Variants in JADE2 observed in about 807,000 individuals in gnomAD.
JADE2 encodes E3 ubiquitin-protein ligase Jade-2.
JADE2 carries 13 observed loss-of-function variants against 85.7 expected under a neutral mutation model. That is an observed-to-expected ratio of 0.15 (90% CI 0.10 to 0.24). JADE2 has a LOEUF of 0.24. JADE2 is among the 10% of genes least tolerant of loss of function. The pLI, the probability that JADE2 is intolerant of heterozygous loss-of-function variation, is 1.00. For missense variants in JADE2, 846 were observed against 1,115.9 expected, an observed-to-expected ratio of 0.76 and a Z score of 3.45; for synonymous variants, 440 against 456.1, an observed-to-expected ratio of 0.96 and a Z score of 0.45.
intron 3 of JADE2, among the ~76,000 whole-genome samples, chr5:134,547,173 C>T (rs972836318): frequency 1.3e-5 from 2 of 152,180 alleles, no homozygotes; most frequent in Middle Eastern, 3.2e-3. Flanking sequence ...CAGAAAAAGA[C>T]GTGAAGGCAA....
chr5:134,562,256 C>T lies in JADE2; in HGVS notation c.741C>T (p.Ala247=). 6.2e-7 allele frequency: 1 copy of T among 1,614,066 alleles called. No individual in the cohort carries two copies. Among genetic ancestry groups the T allele is most frequent in the Non-Finnish European group, 8.5e-7 (1 of 1,179,998 alleles). Residue 247 remains alanine (A), a synonymous_variant, in exon 7 of 12, where the codon GCC becomes GCT. Transcript: ENST00000681547. This position sits in a 1 kb window ranked among gnomAD's most constrained non-coding sequence, Gnocchi z 4.6. ...PTGSWLCRTC[A]LGVQPKCLLC... is the part of the protein sequence containing the mutation. Reference sequence around the variant, plus strand: ...GCAGCTGGCTGTGCCGGACGTGTGCCCTGGGTGTCCAGCCAAAGTGCCTGC... The same window carrying T: ...GCAGCTGGCTGTGCCGGACGTGTGCTCTGGGTGTCCAGCCAAAGTGCCTGC...
At chr5:134,534,698 TTCTC>T in intron 1 of JADE2, among the ~76,000 whole-genome samples, 1 of 152,104 alleles carries the variant, frequency 6.6e-6, no homozygotes, top group Non-Finnish European at 1.5e-5. Context: ...CAGTGGGGCT[TTCTC>T]TCTACTGACA....
At chr5:134,573,502 T>A (rs1581481778) in intron 9 of JADE2, 143 bp from the exon 10 acceptor site, 9 of 704,440 alleles carry the variant, frequency 1.3e-5, no homozygotes, top group Non-Finnish European at 2.0e-5. Flanking sequence ...CTGGGAATTG[T>A]TTTGCAGATG....
chr5:134,567,280 G>A (rs1763700017), intron 9 of JADE2, among the ~76,000 whole-genome samples: 1 of 152,318 alleles, frequency 6.6e-6, no homozygotes, highest in South Asian at 2.1e-4. Flanking sequence ...CTGACATACT[G>A]TGGCTGGGAC....
chr5:134,524,662 C>A (rs1158900271), upstream of JADE2, among the ~76,000 whole-genome samples: 4 of 152,204 alleles, frequency 2.6e-5, no homozygotes, highest in African/African-American at 9.6e-5. Flanking sequence ...CTTCTCCACC[C>A]CCCGGAAATG....
chr5:134,560,994 G>A lies in JADE2; in HGVS notation c.684+37G>A, dbSNP rs770859689. 6.4e-6 allele frequency: 10 copies of A among 1,571,838 alleles called. No individual in the cohort carries two copies. The Admixed American group carries it at 1.7e-4, about 27-fold the overall frequency. On this transcript the variant is annotated intron_variant, in intron 6 of 11. Coordinates refer to ENST00000681547, the MANE Select transcript of JADE2 (RefSeq NM_001388185.1). ...CCCCAGTCACCCTCACCTGTGCCAT[G>A]TATACACACGCTGCCTGGCAGCGAC...
chr5:134,539,148 G>T (rs1333481437), intron 3 of JADE2, among the ~76,000 whole-genome samples: 1 of 151,594 alleles, frequency 6.6e-6, no homozygotes, highest in Non-Finnish European at 1.5e-5. Context: ...TGCAAGCTCC[G>T]CCTCTTGGGT....
intron 3 of JADE2, 37 bp from the exon 4 acceptor site, chr5:134,552,015 A>G (rs1762623420): frequency 6.2e-7 from 1 of 1,611,626 alleles, no homozygotes; most frequent in African/African-American, 1.3e-5. Flanking sequence ...GCCCTGAGGC[A>G]GTCTGAAGTC....
chr5:134,535,756 C>T, intron 1 of JADE2, 102 bp from the exon 2 acceptor site: 1 of 917,000 alleles, frequency 1.1e-6, no homozygotes, highest in South Asian at 1.4e-5. Flanking sequence ...TATCTTTCTG[C>T]AGTGTCATAA....
rs749006747 is a variant in JADE2 at position 134,552,069 on chromosome 5, G to C, written c.171G>C (p.Leu57Phe). Residue 57 changes from leucine to phenylalanine, a missense_variant, in exon 4 of 12, where the codon TTG (leucine) becomes TTC (phenylalanine). Physicochemically the swap from Leu to Phe is conservative, Grantham distance 22. Coordinates refer to ENST00000681547, the MANE Select transcript of JADE2 (RefSeq NM_001388185.1). Reference protein sequence around the residue: ...KKPSEVFRTDLITAMKIPDSY... With the variant: ...KKPSEVFRTDFITAMKIPDSY... Reference sequence around the variant, plus strand: ...CCTCACAGGTTTTCCGGACAGACTTGATCACAGCCATGAAGATCCCGGACT... The same window carrying C: ...CCTCACAGGTTTTCCGGACAGACTTCATCACAGCCATGAAGATCCCGGACT... The C allele has an allele frequency of 6.2e-7, 1 of 1,614,026 alleles. No individual in the cohort carries two copies. The highest frequency in any genetic ancestry group is 8.5e-7 in the Non-Finnish European group (1 of 1,180,032).
chr5:134,546,685 T>C (rs1413543299), intron 3 of JADE2, among the ~76,000 whole-genome samples: 1 of 151,312 alleles, frequency 6.6e-6, no homozygotes, highest in Non-Finnish European at 1.5e-5. Flanking sequence ...GGAGAATCGC[T>C]GGAACCTGGG....
upstream of JADE2, among the ~76,000 whole-genome samples, chr5:134,524,888 C>A (rs1164855212): frequency 2.0e-5 from 3 of 152,216 alleles, no homozygotes; most frequent in Non-Finnish European, 4.4e-5. Context: ...TCCCCTCCTG[C>A]CAGCACTTTC....
Position 134,578,491 on chromosome 5 carries a change from C to A in JADE2, c.1682-3C>A. 1 of 1,567,960 alleles carries A rather than the reference C, an allele frequency of 6.4e-7. No homozygotes were observed. On this transcript the variant is annotated splice_region_variant and splice_polypyrimidine_tract_variant and intron_variant, in intron 11 of 11. Transcript: ENST00000681547. The surrounding 1 kb of genome is among the most constrained non-coding windows in gnomAD (Gnocchi z 4.4). Reference sequence around the variant, plus strand: ...GTCTCACTTGCCTCCTCTCTCCCCTCAGCAGGCCTGTCCACCTCATTCCCC... The same window carrying A: ...GTCTCACTTGCCTCCTCTCTCCCCTAAGCAGGCCTGTCCACCTCATTCCCC...
chr5:134,526,696 G>C, intron 1 of JADE2: 2 of 985,502 alleles, frequency 2.0e-6, no homozygotes, highest in Non-Finnish European at 2.4e-6. Flanking sequence ...CTCGGCTCCT[G>C]GGGTTGGAGG....
intron 1 of JADE2, 137 bp downstream of exon 1, chr5:134,526,148 C>T (rs549083006): frequency 3.5e-4 from 343 of 985,384 alleles, no homozygotes; most frequent in Non-Finnish European, 3.9e-4. Context: ...TGCTGGCTGC[C>T]TGTTCTAGGA....
In JADE2 at chr5:134,578,703, C is replaced by T. The variant is rs1764536117; in HGVS notation, c.1891C>T (p.Pro631Ser). The T allele has an allele frequency of 6.2e-7, 1 of 1,613,586 alleles. No homozygotes were observed. Among genetic ancestry groups the T allele is most frequent in the South Asian group, 1.1e-5 (1 of 91,072 alleles). ...LSFMRDPSLR[P>S]GDPARKARGR... ...CTTCATGCGGGACCCCTCGCTGCGA[C>T]CTGGTGACCCTGCTAGGAAGGCCCG... The change falls in exon 12 of 12, where the codon CCT (proline) becomes TCT (serine). Residue 631 changes from proline to serine, a missense_variant. Coordinates refer to ENST00000681547, the MANE Select transcript of JADE2 (RefSeq NM_001388185.1). This position sits in a 1 kb window ranked among gnomAD's most constrained non-coding sequence, Gnocchi z 4.4.
chr5:134,573,787 C>T (rs202246367), intron 10 of JADE2, 25 bp downstream of exon 10: 42 of 1,302,790 alleles, frequency 3.2e-5, no homozygotes, highest in Middle Eastern at 1.8e-4. Context: ...CACCTGCCGC[C>T]GCCACCTCCC....
chr5:134,572,386 T>C (rs1764085789), intron 9 of JADE2, among the ~76,000 whole-genome samples: 1 of 152,220 alleles, frequency 6.6e-6, no homozygotes, highest in African/African-American at 2.4e-5. Context: ...CCTTCACGGC[T>C]GGGCTCAGGA....
At chr5:134,539,287 C>T (rs555369984) in intron 3 of JADE2, among the ~76,000 whole-genome samples, 290 of 152,044 alleles carry the variant, frequency 1.9e-3, no homozygotes, top group East Asian at 6.0e-3. Context: ...ATGGTCTCGA[C>T]CTCCTGACCT....
Sources: gnomAD v4.1 joint callset for allele counts (sites outside exome capture counted in the v4.1 genomes callset) on GRCh38, gnomAD v4.1.1 for gene constraint, Gnocchi (gnomAD v3.1) non-coding constraint, MANE v1.5 for transcripts, NCBI Gene and HGNC (gene_info 2026-07-23, HGNC 2026-07-21) for gene names.